The following MYH7 variants were observed in gnomAD, a reference collection of about 807,000 sequenced individuals.
MYH7 encodes myosin-7.
MYH7 carries 129 observed loss-of-function variants against 225.4 expected under a neutral mutation model. That is an observed-to-expected ratio of 0.57 (90% CI 0.50 to 0.66). The LOEUF (loss-of-function observed/expected upper bound fraction) is 0.66. Ranked by LOEUF, MYH7 falls within the 30% of genes least tolerant of loss-of-function variation. The probability of loss-of-function intolerance (pLI) is 0.00; values close to 1 mark genes in which losing one functional copy is unlikely to be tolerated. For synonymous variants in MYH7, 971 were observed against 1,007.6 expected, an observed-to-expected ratio of 0.96 and a Z score of 0.69; for missense variants, 1,649 against 2,517.0, an observed-to-expected ratio of 0.66 and a Z score of 7.38.
rs112287277 is a variant in MYH7, at chr14:23,421,051, G to T, written c.3246-3C>A. On this transcript the variant is annotated splice_polypyrimidine_tract_variant and splice_region_variant and intron_variant, in intron 25 of 39. Transcript: ENST00000355349. ...GAGCATTCAGCTCAAAGTCTTTTCT[G>T]TGGGGAAGGAGGGATGGTGAGGTAA... is the stretch of plus-strand genomic sequence containing the variant. The T allele has an allele frequency of 6.2e-7, 1 of 1,613,128 alleles. No homozygotes were observed. The highest frequency in any genetic ancestry group is 1.7e-5 in the Admixed American group (1 of 60,028).
rs760011549 is a variant in MYH7, at chr14:23,425,925, C to T, written c.2162+39G>A. 6.2e-6 allele frequency: 10 copies of T among 1,612,926 alleles called. No homozygotes were observed. The highest frequency in any genetic ancestry group is 3.3e-5 in the South Asian group (3 of 91,018). On this transcript the variant is annotated intron_variant, in intron 19 of 39. Transcript: ENST00000355349. The surrounding 1 kb of genome is among the most constrained non-coding windows in gnomAD (Gnocchi z 4.6). Reference sequence around the variant, plus strand: ...CCATTCCCATCAGGGCAGCCTGGCTCCCCCTGTTCTATGAGCTCTGGTGCA... The same window carrying T: ...CCATTCCCATCAGGGCAGCCTGGCTTCCCCTGTTCTATGAGCTCTGGTGCA...
chr14:23,424,785 T>A lies in MYH7; in HGVS notation c.2663A>T (p.Gln888Leu). Residue 888 changes from glutamine to leucine, a missense_variant, in exon 22 of 40, where the codon CAG becomes CTG. Around this residue, in one of 12 missense-constraint regions of MYH7, gnomAD observed 282 missense variants for 315.3 expected, o/e 0.89. Coordinates refer to ENST00000355349, the MANE Select transcript of MYH7 (RefSeq NM_000257.4). ...GAGCCTCACCGCCTGCACTTGGAGC[T>A]GCAGGTCATTCTTCTCCTGCAGCAG... ...VSLLQEKNDL[Q>L]LQVQAEQDNL... 6.2e-7 allele frequency: 1 copy of A among 1,614,186 alleles called. No homozygotes were observed. The highest frequency in any genetic ancestry group is 8.5e-7 in the Non-Finnish European group (1 of 1,180,038).
intron 9 of MYH7, 91 bp from the exon 10 acceptor site, chr14:23,431,090 G>C (rs755910684): frequency 1.2e-4 from 112 of 960,626 alleles, no homozygotes; most frequent in Non-Finnish European, 1.6e-4. Flanking sequence ...GCAAAAGGCA[G>C]AGGGAAGGGA....
At chr14:23,432,989 G>A in intron 4 of MYH7, 95 bp downstream of exon 4, 2 of 1,576,888 alleles carry the variant, frequency 1.3e-6, no homozygotes, top group Non-Finnish European at 1.7e-6. Flanking sequence ...GTGTAACCCT[G>A]CCTAGACACA....
chr14:23,413,921 A>G, intron 38 of MYH7, 28 bp from the exon 39 acceptor site: 1 of 1,613,688 alleles, frequency 6.2e-7, no homozygotes, highest in South Asian at 1.1e-5. Context: ...ATGAGGTGAG[A>G]GGGGGCCTGG....
intron 29 of MYH7, 54 bp downstream of exon 29, chr14:23,419,123 A>C: frequency 6.8e-7 from 1 of 1,465,148 alleles, no homozygotes; most frequent in Non-Finnish European, 9.6e-7. Flanking sequence ...ATTTGATGCA[A>C]GGCTAGTCAG....
At position 23,415,724 on chromosome 14, in the gene MYH7, A is replaced by G. The variant is rs768580382; in HGVS notation, c.5062T>C (p.Leu1688=). ...TCTGTCTGCTCCACCACGGCACGCAACTCCTCCAGCTCAGCCTGCAGCAGG... is the reference window on the plus strand; with the variant it reads ...TCTGTCTGCTCCACCACGGCACGCAGCTCCTCCAGCTCAGCCTGCAGCAGG... ...NNLLQAELEE[L]RAVVEQTERS... is the part of the protein sequence containing the mutation. The change falls in exon 35 of 40, where the codon TTG becomes CTG. Residue 1688 remains leucine, a synonymous_variant. Transcript: ENST00000355349. The surrounding 1 kb of genome is among the most constrained non-coding windows in gnomAD (Gnocchi z 6.3). The G allele has an allele frequency of 1.7e-5, 28 of 1,613,114 alleles. No individual in the cohort carries two copies. Among genetic ancestry groups the G allele is most frequent in the Non-Finnish European group, 2.3e-5 (27 of 1,179,828 alleles).
intron 37 of MYH7, among the ~76,000 whole-genome samples, chr14:23,414,696 G>T (rs941376214): frequency 6.6e-6 from 1 of 152,132 alleles, no homozygotes; most frequent in Non-Finnish European, 1.5e-5. Flanking sequence ...GGTGACCCTG[G>T]CTACATATTT....
At chr14:23,414,926 A>G in intron 37 of MYH7, 69 bp downstream of exon 37, 1 of 1,599,642 alleles carries the variant, frequency 6.3e-7, no homozygotes, top group Non-Finnish European at 8.5e-7. Flanking sequence ...CAAACTCTTC[A>G]TTCTCCTCAG....
chr14:23,429,405 G>T (rs958892501), intron 12 of MYH7, 58 bp from the exon 13 acceptor site: 50 of 1,513,142 alleles, frequency 3.3e-5, no homozygotes, highest in Non-Finnish European at 4.4e-5. Flanking sequence ...GCCAGGTGTG[G>T]TGGTTCATGC....
intron 27 of MYH7, 46 bp from the exon 28 acceptor site, chr14:23,419,655 G>A: frequency 6.2e-7 from 1 of 1,606,284 alleles, no homozygotes; most frequent in Non-Finnish European, 8.5e-7. Flanking sequence ...GGGGCGGGGG[G>A]AATGAAGGGG....
chr14:23,413,930 G>C, intron 38 of MYH7, 37 bp from the exon 39 acceptor site: 2 of 1,614,238 alleles, frequency 1.2e-6, no homozygotes, highest in South Asian at 2.2e-5. Context: ...GAGGGGGCCT[G>C]GGTTCTCAGA....
In MYH7 at chr14:23,429,848, G is replaced by A. The variant is rs778136999; in HGVS notation, c.1065C>T (p.Ala355=). 6.8e-6 allele frequency: 11 copies of A among 1,614,082 alleles called. No homozygotes were observed. The South Asian group carries it at 7.7e-5, about 11-fold the overall frequency. The change falls in exon 12 of 40, where the codon GCC becomes GCT. Residue 355 remains alanine (A), a synonymous_variant. Transcript: ENST00000355349. ...ACTTCATGTTTCCAAAGTGCATGATGGCGCCTGTCAGCTTATACATGGAGT... is the reference window on the plus strand; with the variant it reads ...ACTTCATGTTTCCAAAGTGCATGATAGCGCCTGTCAGCTTATACATGGAGT... ...EKNSMYKLTG[A]IMHFGNMKFK... is the part of the protein sequence containing the mutation.
intron 15 of MYH7, 98 bp downstream of exon 15, chr14:23,428,402 T>C: frequency 1.3e-6 from 2 of 1,582,190 alleles, no homozygotes; most frequent in Non-Finnish European, 1.7e-6. Context: ...GCCCCTTCTA[T>C]TTTTATATTC....
In MYH7 at chr14:23,419,905, G is replaced by A. The variant is rs397516191; in HGVS notation, c.3666C>T (p.Ser1222=). The change falls in exon 27 of 40, where the codon AGC becomes AGT. Residue 1222 remains serine (S), a synonymous_variant. Coordinates refer to ENST00000355349, the MANE Select transcript of MYH7 (RefSeq NM_000257.4). Reference sequence around the variant, plus strand: ...CGTCATCCAGCTCCAGCTTGAACTCGCTCTTCTCCTTCTCCAGCTTCTGCT... The same window carrying A: ...CGTCATCCAGCTCCAGCTTGAACTCACTCTTCTCCTTCTCCAGCTTCTGCT... ...RVKQKLEKEK[S]EFKLELDDVT... 8 of 1,613,026 alleles carry A rather than the reference G, an allele frequency of 5.0e-6. No homozygotes were observed. In the African/African-American group the frequency reaches 6.7e-5, roughly 13 times the overall value.
In MYH7 at chr14:23,424,799, C is replaced by T. The variant is rs140434009; in HGVS notation, c.2649G>A (p.Glu883=). ...GCACTTGGAGCTGCAGGTCATTCTT[C>T]TCCTGCAGCAGGGACACCATCTTCT... ...LEEKMVSLLQ[E]KNDLQLQVQA... is the part of the protein sequence containing the mutation. Residue 883 remains glutamate (E), a synonymous_variant, in exon 22 of 40, where the codon GAG becomes GAA. Coordinates refer to ENST00000355349, the MANE Select transcript of MYH7 (RefSeq NM_000257.4). 1.5e-5 allele frequency: 25 copies of T among 1,614,206 alleles called. No individual in the cohort carries two copies. Among genetic ancestry groups the T allele is most frequent in the Non-Finnish European group, 2.0e-5 (24 of 1,180,028 alleles).
chr14:23,433,466 A>AC lies in MYH7; in HGVS notation c.201+65dup. ...CTGCATGGGCATGGGGCATGGGTGT[A>AC]CCCCTCTCTGTCCACCCAGGTGTAC... On this transcript the variant is annotated intron_variant, in intron 3 of 39. Transcript: ENST00000355349. The surrounding 1 kb of genome is among the most constrained non-coding windows in gnomAD (Gnocchi z 4.1). 2.6e-6 allele frequency: 4 copies of AC among 1,562,872 alleles called. No individual in the cohort carries two copies. Among genetic ancestry groups the AC allele is most frequent in the Non-Finnish European group, 3.5e-6 (4 of 1,139,288 alleles).
chr14:23,425,215 C>T lies in MYH7; in HGVS notation c.2423+67G>A. 1 of 1,612,888 alleles carries T rather than the reference C, an allele frequency of 6.2e-7. No homozygotes were observed. The stretch of plus-strand genomic sequence containing the variant: ...TTTGAAGATCTGCTGAGCTTTTTTT[C>T]CTGACACTGCCCCTGAACCAGCCTG... On this transcript the variant is annotated intron_variant, in intron 21 of 39. Coordinates refer to ENST00000355349, the MANE Select transcript of MYH7 (RefSeq NM_000257.4). This position sits in a 1 kb window ranked among gnomAD's most constrained non-coding sequence, Gnocchi z 4.6.
rs751991999 is a variant in MYH7 at position 23,422,336 on chromosome 14, G to A, written c.3100-11C>T. The A allele has an allele frequency of 1.2e-6, 2 of 1,614,186 alleles. No homozygotes were observed. The highest frequency in any genetic ancestry group is 4.5e-5 in the East Asian group (2 of 44,886). On this transcript the variant is annotated splice_polypyrimidine_tract_variant and intron_variant, in intron 24 of 39. Coordinates refer to ENST00000355349, the MANE Select transcript of MYH7 (RefSeq NM_000257.4). Reference sequence around the variant, plus strand: ...CAGGGATCCTTCCAGCTGGTAGAGAGAAGGAGCCAGGCCCAGTGAGGCAAA... The same window carrying A: ...CAGGGATCCTTCCAGCTGGTAGAGAAAAGGAGCCAGGCCCAGTGAGGCAAA...
Sources: gnomAD v4.1 joint callset for allele counts (sites outside exome capture counted in the v4.1 genomes callset) on GRCh38, gnomAD v4.1.1 for gene constraint, gnomAD v4.1.1 regional missense constraint, Gnocchi (gnomAD v3.1) non-coding constraint, MANE v1.5 for transcripts, NCBI Gene and HGNC (gene_info 2026-07-23, HGNC 2026-07-21) for gene names.